The following RALGAPA1 variants were observed in gnomAD, a reference collection of about 807,000 sequenced individuals.
The protein encoded by RALGAPA1 is Ral GTPase activating protein catalytic subunit alpha 1, also known as ral GTPase-activating protein subunit alpha-1.
A neutral mutation model predicts 269.6 loss-of-function variants in RALGAPA1; 52 were observed. The ratio of observed to expected loss-of-function variants is 0.19; its 90% CI spans 0.15 to 0.24. The LOEUF (loss-of-function observed/expected upper bound fraction) is 0.24, where lower values mean the gene tolerates loss of function less well. Ranked by LOEUF, RALGAPA1 falls within the 10% of genes least tolerant of loss-of-function variation. The probability of loss-of-function intolerance (pLI) is 1.00; values close to 1 mark genes in which losing one functional copy is unlikely to be tolerated. For synonymous variants in RALGAPA1, 817 were observed against 1,008.3 expected (o/e 0.81, Z 3.60); for missense variants, 1,917 against 3,013.9 (o/e 0.64, Z 8.52).
rs566042942 is a variant in RALGAPA1, at chr14:35,784,801, T to C, written c.107-9056A>G. 5.3e-5 allele frequency among the ~76,000 whole-genome samples: 8 copies of C among 152,336 alleles called. No individual in the cohort carries two copies. In the East Asian group the frequency reaches 1.5e-3, roughly 29 times the overall value. On this transcript the variant is annotated intron_variant, in intron 1 of 41. Coordinates refer to ENST00000680220, the MANE Select transcript of RALGAPA1 (RefSeq NM_001346249.2). The stretch of plus-strand genomic sequence containing the variant: ...CCTTCACATTTATGCAGTTGAAGAC[T>C]AGCTAGTTACTAGTATACCATTATT...
Position 35,570,706 on chromosome 14 carries a change from C to T in RALGAPA1, c.7407G>A (p.Val2469=), listed in dbSNP as rs539036184. The T allele has an allele frequency of 6.2e-7, 1 of 1,608,598 alleles. No individual in the cohort carries two copies. The highest frequency in any genetic ancestry group is 2.2e-5 in the East Asian group (1 of 44,592). The change falls in exon 39 of 42, where the codon GTG becomes GTA. Residue 2469 remains valine, a synonymous_variant. Coordinates refer to ENST00000680220, the MANE Select transcript of RALGAPA1 (RefSeq NM_001346249.2). ...FFGPLFDGAI[V]NGKVLPIMVR... ...CCATAATGGGTAGAACCTTTCCATT[C>T]ACAATAGCACCATCAAAAAGGGGAC...
At chr14:35,806,248 C>A (rs1022861614) in intron 1 of RALGAPA1, among the ~76,000 whole-genome samples, 3 of 151,866 alleles carry the variant, frequency 2.0e-5, no homozygotes, top group African/African-American at 7.3e-5. Flanking sequence ...TAAAGTAGAA[C>A]AAAACTAACA....
At chr14:35,623,283 G>T (rs1594859087) in intron 35 of RALGAPA1, among the ~76,000 whole-genome samples, 1 of 151,960 alleles carries the variant, frequency 6.6e-6, no homozygotes, top group South Asian at 2.1e-4. Flanking sequence ...AACCAGGAAA[G>T]CTCCCACGAA....
chr14:35,704,345 C>T (rs145771429), intron 16 of RALGAPA1, among the ~76,000 whole-genome samples: 2 of 152,098 alleles, frequency 1.3e-5, no homozygotes, highest in Admixed American at 6.5e-5. Context: ...ATACTCTCCA[C>T]ATTTTTTACA....
At position 35,745,418 on chromosome 14, in the gene RALGAPA1, G is replaced by GACACACACACACAC. The variant is rs1336499336; in HGVS notation, c.1252-2854_1252-2853insGTGTGTGTGTGTGT. Among the ~76,000 whole-genome samples, 7 of 116,008 alleles carry GACACACACACACAC rather than the reference G, an allele frequency of 6.0e-5. No homozygotes were observed. In the South Asian group the frequency reaches 1.7e-3, roughly 28 times the overall value. 76.1% of individuals were successfully genotyped at this position (116,008 alleles called of 152,430 possible). ...AGAAATACACATACACAGACACACA[G>GACACACACACACAC]ACAGACACACACACACACACACACA... On this transcript the variant is annotated intron_variant, in intron 10 of 41. Transcript: ENST00000680220.
intron 4 of RALGAPA1, chr14:35,766,136 T>G (rs1033979348): frequency 1.1e-6 from 1 of 941,694 alleles, no homozygotes; most frequent in African/African-American, 1.6e-5. Context: ...GAAATCCTGC[T>G]GCCTACTGTG....
At chr14:35,648,574 A>G (rs2062612471) in intron 31 of RALGAPA1, among the ~76,000 whole-genome samples, 1 of 151,998 alleles carries the variant, frequency 6.6e-6, no homozygotes, top group Admixed American at 6.6e-5. Flanking sequence ...CTTCAGCTCA[A>G]GCTCCTGAGC....
At chr14:35,655,663 G>T in intron 29 of RALGAPA1, 144 bp downstream of exon 29, 1 of 1,217,790 alleles carries the variant, frequency 8.2e-7, no homozygotes, top group Non-Finnish European at 1.1e-6. Context: ...AATTTTTAAG[G>T]AATGAGTCAG....
chr14:35,785,949 G>T (rs2075762794), intron 1 of RALGAPA1, among the ~76,000 whole-genome samples: 1 of 152,256 alleles, frequency 6.6e-6, no homozygotes, highest in Non-Finnish European at 1.5e-5. Context: ...GCTGAGGTGG[G>T]TGGATCACTT....
chr14:35,581,808 G>C (rs2057969691), intron 37 of RALGAPA1, among the ~76,000 whole-genome samples: 1 of 152,116 alleles, frequency 6.6e-6, no homozygotes, highest in African/African-American at 2.4e-5. Flanking sequence ...TGCAGCTGCT[G>C]TAGAAAACAT....
chr14:35,642,313 C>G (rs1384050147), intron 31 of RALGAPA1, among the ~76,000 whole-genome samples: 1 of 152,066 alleles, frequency 6.6e-6, no homozygotes, highest in Non-Finnish European at 1.5e-5. Context: ...AGACAACCCA[C>G]AGAAGGGGAG....
chr14:35,789,164 G>C (rs1331868920), intron 1 of RALGAPA1, among the ~76,000 whole-genome samples: 1 of 152,100 alleles, frequency 6.6e-6, no homozygotes, highest in Non-Finnish European at 1.5e-5. Flanking sequence ...TATTGATTCT[G>C]CCCTGAGATT....
chr14:35,715,039 T>C (rs979562394), intron 16 of RALGAPA1, among the ~76,000 whole-genome samples: 1 of 152,208 alleles, frequency 6.6e-6, no homozygotes, highest in Non-Finnish European at 1.5e-5. Flanking sequence ...CATTCTGCTA[T>C]GTCACTGCAG....
intron 35 of RALGAPA1, among the ~76,000 whole-genome samples, chr14:35,618,834 T>C (rs1366084868): frequency 6.6e-6 from 1 of 151,988 alleles, no homozygotes; most frequent in Non-Finnish European, 1.5e-5. Flanking sequence ...AATAAAACAA[T>C]AAAACACCTA....
At chr14:35,721,883 T>G in intron 15 of RALGAPA1, 34 bp from the exon 16 acceptor site, 4 of 1,574,040 alleles carry the variant, frequency 2.5e-6, no homozygotes, top group Non-Finnish European at 3.5e-6. Context: ...CAATATACTG[T>G]TACTTGATCA....
intron 39 of RALGAPA1, among the ~76,000 whole-genome samples, chr14:35,568,941 T>C (rs1012206672): frequency 6.6e-6 from 1 of 152,220 alleles, no homozygotes; most frequent in Non-Finnish European, 1.5e-5. Context: ...TTGTTAACAA[T>C]TCAAGGCTCA....
chr14:35,672,759 G>C, intron 25 of RALGAPA1, 108 bp downstream of exon 25: 1 of 1,030,014 alleles, frequency 9.7e-7, no homozygotes, highest in Non-Finnish European at 1.3e-6. Context: ...CTAAATAAGG[G>C]GGAGAGTTTA....
chr14:35,570,517 A>C (rs2057098542), intron 39 of RALGAPA1, 100 bp downstream of exon 39: 1 of 974,380 alleles, frequency 1.0e-6, no homozygotes, highest in African/African-American at 1.7e-5. Flanking sequence ...TAATTAAAAA[A>C]ACCCTAGAAA....
chr14:35,617,554 G>T (rs568867699), intron 35 of RALGAPA1, among the ~76,000 whole-genome samples: 1 of 148,016 alleles, frequency 6.8e-6, no homozygotes, highest in East Asian at 2.0e-4. Flanking sequence ...GAAGGCGGAG[G>T]TTGCAGTGAG....
Sources: gnomAD v4.1 joint callset for allele counts (sites outside exome capture counted in the v4.1 genomes callset) on GRCh38, gnomAD v4.1.1 for gene constraint, MANE v1.5 for transcripts, NCBI Gene and HGNC (gene_info 2026-07-23, HGNC 2026-07-21) for gene names.